Variants in ATP2C1 observed in about 807,000 individuals in gnomAD.
ATP2C1 encodes ATPase secretory pathway Ca2+ transporting 1.
Under a neutral mutation model 120.5 loss-of-function variants are expected in ATP2C1, and 31 were observed. That is an observed-to-expected ratio of 0.26 (90% CI 0.19 to 0.35). The LOEUF (loss-of-function observed/expected upper bound fraction) is 0.35, where lower values mean the gene tolerates loss of function less well. Ranked by LOEUF, ATP2C1 falls within the 10% of genes least tolerant of loss-of-function variation. The pLI is 1.00. For missense variants in ATP2C1, 731 were observed against 1,107.5 expected, an observed-to-expected ratio of 0.66 and a Z score of 4.83; for synonymous variants, 351 against 358.7, an observed-to-expected ratio of 0.98 and a Z score of 0.24.
chr3:130,908,588 A>T (rs774677472), intron 2 of ATP2C1, among the ~76,000 whole-genome samples: 2 of 152,178 alleles, frequency 1.3e-5, no homozygotes, highest in African/African-American at 2.4e-5. Context: ...ATCTCATTAA[A>T]TCCTTTCTCA....
intron 8 of ATP2C1, among the ~76,000 whole-genome samples, chr3:130,946,601 G>A (rs762349764): frequency 3.9e-5 from 6 of 152,144 alleles, no homozygotes; most frequent in Non-Finnish European, 7.3e-5. Flanking sequence ...CTTCCTCCAC[G>A]TTGGGTAAAT....
intron 26 of ATP2C1, chr3:131,016,094 A>T: frequency 6.3e-7 from 1 of 1,587,098 alleles, no homozygotes. Flanking sequence ...AAAATACTGT[A>T]TTTACTTTTG....
intron 2 of ATP2C1, 40 bp from the exon 3 acceptor site, chr3:130,930,376 T>G: frequency 8.0e-7 from 1 of 1,251,248 alleles, no homozygotes; most frequent in Non-Finnish European, 1.2e-6. Context: ...TACACTTGTT[T>G]GCTATATTCA....
rs943079391 is a variant in ATP2C1 at position 130,979,412 on chromosome 3, T to A, written c.1734T>A (p.Val578=). Reference sequence around the variant, plus strand: ...CTGGAGATTCACAGGAGACTGCAGTTGCAATCGGTATAACTAGACTGCTTT... The same window carrying A: ...CTGGAGATTCACAGGAGACTGCAGTAGCAATCGGTATAACTAGACTGCTTT... ...MITGDSQETA[V]AIASRLGLYS... The change falls in exon 19 of 28, where the codon GTT becomes GTA. Residue 578 remains valine (V), a synonymous_variant. Transcript: ENST00000510168. The A allele has an allele frequency of 1.9e-6, 3 of 1,613,236 alleles. No individual in the cohort carries two copies. The African/African-American group carries it at 4.0e-5, about 22-fold the overall frequency.
chr3:130,938,949 G>A (rs2059784796), intron 6 of ATP2C1, among the ~76,000 whole-genome samples: 1 of 152,188 alleles, frequency 6.6e-6, no homozygotes, highest in Non-Finnish European at 1.5e-5. Flanking sequence ...ACACAAGATA[G>A]TGTTGTTATA....
chr3:130,921,393 A>G (rs2058960920), intron 2 of ATP2C1, among the ~76,000 whole-genome samples: 1 of 152,068 alleles, frequency 6.6e-6, no homozygotes, highest in African/African-American at 2.4e-5. Context: ...AAAAGGGACA[A>G]TTTTACTACT....
At chr3:130,992,157 T>G (rs189638714) in intron 20 of ATP2C1, among the ~76,000 whole-genome samples, 112 of 152,324 alleles carry the variant, frequency 7.4e-4, no homozygotes, top group South Asian at 3.9e-3. Flanking sequence ...TGAGGTTTTA[T>G]GAAGGGAGAA....
intron 1 of ATP2C1, among the ~76,000 whole-genome samples, chr3:130,861,379 C>T (rs1203544325): frequency 6.6e-6 from 1 of 152,118 alleles, no homozygotes; most frequent in African/African-American, 2.4e-5. Flanking sequence ...AGCTTGAGAA[C>T]CCAGAAAGAC....
chr3:130,964,180 T>TC, intron 13 of ATP2C1, 85 bp downstream of exon 13: 1 of 1,573,860 alleles, frequency 6.4e-7, no homozygotes, highest in Non-Finnish European at 8.7e-7. Flanking sequence ...ACAGTTTTTA[T>TC]CTTAGAGATT....
At chr3:130,980,275 A>G (rs1252577081) in intron 19 of ATP2C1, among the ~76,000 whole-genome samples, 2 of 149,436 alleles carry the variant, frequency 1.3e-5, no homozygotes, top group East Asian at 1.9e-4. Flanking sequence ...CTGTAGAGAC[A>G]GGGTCTTGCT....
chr3:130,855,564 T>C (rs2067810333), intron 1 of ATP2C1, among the ~76,000 whole-genome samples: 1 of 152,148 alleles, frequency 6.6e-6, no homozygotes, highest in Admixed American at 6.5e-5. Flanking sequence ...ACTAAGAGAT[T>C]TGCCCAAGCT....
At chr3:130,920,812 A>G (rs1345576406) in intron 2 of ATP2C1, among the ~76,000 whole-genome samples, 1 of 152,174 alleles carries the variant, frequency 6.6e-6, no homozygotes, top group Non-Finnish European at 1.5e-5. Flanking sequence ...ACGTGAGCAT[A>G]GGTGTTTCTG....
At chr3:130,980,088 A>G (rs951767094) in intron 19 of ATP2C1, among the ~76,000 whole-genome samples, 23 of 152,244 alleles carry the variant, frequency 1.5e-4, no homozygotes, top group Admixed American at 3.9e-4. Context: ...ATTTTCATTT[A>G]TGTATAACTA....
intron 3 of ATP2C1, among the ~76,000 whole-genome samples, chr3:130,931,382 C>T (rs2059441940): frequency 6.6e-6 from 1 of 152,048 alleles, no homozygotes; most frequent in Non-Finnish European, 1.5e-5. Context: ...ATCTGAACTT[C>T]ACTGCTTTTG....
At chr3:130,962,086 G>T (rs2060846330) in intron 12 of ATP2C1, among the ~76,000 whole-genome samples, 1 of 152,008 alleles carries the variant, frequency 6.6e-6, no homozygotes, top group Admixed American at 6.6e-5. Context: ...CTAAACGAAT[G>T]CATGACCCTA....
At chr3:130,894,016 G>A, upstream of ATP2C1, 3 of 986,470 alleles carry the variant, frequency 3.0e-6, no homozygotes, top group Non-Finnish European at 2.4e-6. The surrounding 1 kb of genome is among the most constrained non-coding windows in gnomAD (Gnocchi z 4.5). Context: ...GGCTGGCCCA[G>A]GAGTGCGGGG....
intron 8 of ATP2C1, among the ~76,000 whole-genome samples, chr3:130,952,329 AAGTGAATGT>A (rs1181620820): frequency 1.3e-5 from 2 of 152,198 alleles, no homozygotes; most frequent in African/African-American, 4.8e-5. Flanking sequence ...AATATTTGTT[AAGTGAATGT>A]AGGAATGTTG....
intron 18 of ATP2C1, among the ~76,000 whole-genome samples, chr3:130,976,520 A>G (rs1211771479): frequency 2.0e-5 from 3 of 152,236 alleles, no homozygotes; most frequent in Non-Finnish European, 2.9e-5. Flanking sequence ...TGGGAGGCAG[A>G]GACTCATGGC....
Position 130,978,594 on chromosome 3 carries a change from T to G in ATP2C1, c.1571-655T>G, listed in dbSNP as rs113470500. On this transcript the variant is annotated intron_variant, in intron 18 of 27. Coordinates refer to ENST00000510168, the MANE Select transcript of ATP2C1 (RefSeq NM_001378687.1). ...AGAAATAATAATATGATGGCGTTAT[T>G]TACATACTCTTAGAGAACCAACGTT... 3.7e-3 allele frequency among the ~76,000 whole-genome samples: 570 copies of G among 152,298 alleles called. 2 individuals are homozygous for G. The highest frequency in any genetic ancestry group is 0.013 in the African/African-American group (546 of 41,564).
Sources: allele counts gnomAD v4.1 joint callset (sites outside exome capture counted in the v4.1 genomes callset), GRCh38; gene constraint gnomAD v4.1.1; non-coding constraint Gnocchi (gnomAD v3.1); transcripts MANE v1.5; gene names NCBI Gene and HGNC (gene_info 2026-07-23, HGNC 2026-07-21).